ITSN1: variants seen among roughly 807,000 people sequenced by gnomAD.
ITSN1 encodes the protein intersectin-1.
Under a neutral mutation model 239.8 loss-of-function variants are expected in ITSN1, and 58 were observed. That is an observed-to-expected ratio of 0.24 (90% CI 0.20 to 0.30). The LOEUF is 0.30. ITSN1 is among the 10% of genes least tolerant of loss of function. The probability of loss-of-function intolerance (pLI) is 1.00; values close to 1 mark genes in which losing one functional copy is unlikely to be tolerated. For missense variants in ITSN1, 1,558 were observed against 2,103.3 expected (o/e 0.74, Z 5.07); for synonymous variants, 780 against 770.8 (o/e 1.01, Z -0.20).
intron 29 of ITSN1, among the ~76,000 whole-genome samples, chr21:33,851,705 C>G (rs112933700): frequency 0.053 from 7,271 of 137,612 alleles, 236 homozygotes; most frequent in Non-Finnish European, 0.079. Flanking sequence ...GGCCTGGGCT[C>G]TTTTTTTAAT....
rs1985811611 is a variant in ITSN1 at position 33,886,441 on chromosome 21, G to A, written c.4998G>A (p.Arg1666=). 1 of 1,599,922 alleles carries A rather than the reference G, an allele frequency of 6.3e-7. No individual in the cohort carries two copies. Among genetic ancestry groups the A allele is most frequent in the East Asian group, 2.2e-5 (1 of 44,560 alleles). ...TCCTCTGCATCACTGTGTTCGAGAG[G>A]GACCAGTTCTCACCAGATGGTGAGT... ...QEVLCITVFE[R]DQFSPDDFLG... Residue 1666 remains arginine (R), a synonymous_variant, in exon 39 of 40, where the codon AGG becomes AGA. Coordinates refer to ENST00000381318, the MANE Select transcript of ITSN1 (RefSeq NM_003024.3).
chr21:33,855,984 C>T (rs1156265617), intron 29 of ITSN1, among the ~76,000 whole-genome samples: 2 of 152,240 alleles, frequency 1.3e-5, no homozygotes, highest in Non-Finnish European at 2.9e-5. Flanking sequence ...TCCTGGAGCT[C>T]GGGGATAGAG....
intron 38 of ITSN1, 58 bp from the exon 39 acceptor site, chr21:33,886,227 AAG>A: frequency 7.2e-7 from 1 of 1,387,170 alleles, no homozygotes. Context: ...AAAAAAAAAA[AAG>A]AGTGGAGATC....
At chr21:33,869,961 T>C (rs758868906) in intron 33 of ITSN1, among the ~76,000 whole-genome samples, 1 of 152,326 alleles carries the variant, frequency 6.6e-6, no homozygotes, top group South Asian at 2.1e-4. Flanking sequence ...CCTATTCTAA[T>C]CCAATACTGC....
chr21:33,729,860 G>C (rs975994641), intron 4 of ITSN1, among the ~76,000 whole-genome samples: 3 of 152,128 alleles, frequency 2.0e-5, no homozygotes, highest in African/African-American at 7.2e-5. Context: ...AAGGGACTCA[G>C]CTTTCAGGGA....
chr21:33,879,371 G>A (rs1038937918), intron 34 of ITSN1, among the ~76,000 whole-genome samples: 2 of 152,108 alleles, frequency 1.3e-5, no homozygotes, highest in East Asian at 1.9e-4. Flanking sequence ...GAAAGATTGA[G>A]GCAGGGCATT....
chr21:33,887,265 G>A (rs923331963), intron 39 of ITSN1, among the ~76,000 whole-genome samples: 2 of 151,418 alleles, frequency 1.3e-5, no homozygotes, highest in African/African-American at 4.9e-5. Flanking sequence ...GCTGCAGTGA[G>A]CCATGATGGT....
In ITSN1 at chr21:33,656,120, C is replaced by T. The variant is rs565417702; in HGVS notation, c.-33+13407C>T. On this transcript the variant is annotated intron_variant, in intron 1 of 39. Coordinates refer to ENST00000381318, the MANE Select transcript of ITSN1 (RefSeq NM_003024.3). ...TGTCAAGTCCAAGGATTCTGATTGGCCTGGCATGATCGTGTGTCTGAACCC... is the reference window on the plus strand; with the variant it reads ...TGTCAAGTCCAAGGATTCTGATTGGTCTGGCATGATCGTGTGTCTGAACCC... Among the ~76,000 whole-genome samples, 13 of 152,262 alleles carry T rather than the reference C, an allele frequency of 8.5e-5. No homozygotes were observed. In the South Asian group the frequency reaches 2.1e-3, roughly 24 times the overall value.
At chr21:33,644,273 A>G (rs1303932421) in intron 1 of ITSN1, among the ~76,000 whole-genome samples, 2 of 152,230 alleles carry the variant, frequency 1.3e-5, no homozygotes, top group Non-Finnish European at 2.9e-5. Flanking sequence ...TATGAAAGAA[A>G]AATCCTTAGT....
intron 1 of ITSN1, among the ~76,000 whole-genome samples, chr21:33,690,762 G>GA (rs531591662): frequency 1.5e-4 from 10 of 66,206 alleles, no homozygotes; most frequent in African/African-American, 2.4e-4. Flanking sequence ...CTCTGCCTCA[G>GA]AAAAAAAAAA....
intron 16 of ITSN1, among the ~76,000 whole-genome samples, chr21:33,784,683 T>C (rs913673029): frequency 2.6e-5 from 4 of 152,244 alleles, no homozygotes; most frequent in African/African-American, 9.6e-5. Context: ...AAAAGATTTA[T>C]AGAATTTGAT....
intron 14 of ITSN1, among the ~76,000 whole-genome samples, chr21:33,778,414 G>C (rs1245868487): frequency 6.6e-6 from 1 of 152,012 alleles, no homozygotes; most frequent in Non-Finnish European, 1.5e-5. Context: ...TGGGCCTGGA[G>C]CTTTCTTGAA....
chr21:33,753,556 T>C (rs2067702750), intron 7 of ITSN1, among the ~76,000 whole-genome samples: 2 of 151,834 alleles, frequency 1.3e-5, no homozygotes, highest in African/African-American at 4.8e-5. Context: ...AGGTCAGGAG[T>C]TCGAGACCAG....
At chr21:33,853,289 C>T (rs181774485) in intron 29 of ITSN1, among the ~76,000 whole-genome samples, 6 of 152,328 alleles carry the variant, frequency 3.9e-5, no homozygotes, top group South Asian at 2.1e-4. Context: ...ACTTGCCCAG[C>T]GCTTCCCCTG....
intron 11 of ITSN1, among the ~76,000 whole-genome samples, chr21:33,770,868 A>G (rs889003557): frequency 1.3e-5 from 2 of 150,226 alleles, no homozygotes; most frequent in African/African-American, 4.9e-5. Context: ...GCTTTAAGCG[A>G]TTCTCCTGTC....
At position 33,690,790 on chromosome 21, in the gene ITSN1, C is replaced by CATAT. The variant is rs1167375498; in HGVS notation, c.-32-27986_-32-27983dup. On this transcript the variant is annotated intron_variant, in intron 1 of 39. Transcript: ENST00000381318. ...AAAAAAAAGTGTATATATATATATA[C>CATAT]ATATATATATATATATATATATATG... Among the ~76,000 whole-genome samples the CATAT allele has an allele frequency of 5.0e-3, 65 of 12,962 alleles. 1 individual carries two copies. Among genetic ancestry groups the CATAT allele is most frequent in the South Asian group, 0.039 (18 of 456 alleles). The allele number at this position is 12,962 out of a possible 152,430, so 8.5% of individuals were successfully genotyped here. A position where few individuals can be genotyped will look rare whatever the true frequency, so the allele number is the denominator to read the frequency against.
At chr21:33,757,105 T>A (rs1385980672) in intron 8 of ITSN1, 1 of 152,182 alleles carries the variant, frequency 6.6e-6, no homozygotes, top group African/African-American at 2.4e-5. Flanking sequence ...TAAGTACTGT[T>A]TTACATGGTT....
chr21:33,866,142 G>A (rs1981532621), intron 32 of ITSN1, among the ~76,000 whole-genome samples: 1 of 152,194 alleles, frequency 6.6e-6, no homozygotes, highest in African/African-American at 2.4e-5. Flanking sequence ...CTAGAGTGGT[G>A]CTTGTGGAAT....
At chr21:33,828,067 A>T (rs527726569) in intron 26 of ITSN1, among the ~76,000 whole-genome samples, 12 of 152,352 alleles carry the variant, frequency 7.9e-5, no homozygotes, top group African/African-American at 2.6e-4. Flanking sequence ...TAAGTTTTGT[A>T]CACTTGTCAT....
Sources: allele counts gnomAD v4.1 joint callset (sites outside exome capture counted in the v4.1 genomes callset), GRCh38; gene constraint gnomAD v4.1.1; transcripts MANE v1.5; gene names NCBI Gene and HGNC (gene_info 2026-07-23, HGNC 2026-07-21).